The following IMMP2L variants were observed in gnomAD, a reference collection of about 807,000 sequenced individuals.
The protein encoded by IMMP2L is inner mitochondrial membrane peptidase subunit 2.
Under a neutral mutation model 19.3 loss-of-function variants are expected in IMMP2L, and 18 were observed. The ratio of observed to expected loss-of-function variants is 0.93; its 90% CI spans 0.64 to 1.38. IMMP2L has a LOEUF of 1.38. IMMP2L is among the 40% of genes most tolerant of loss of function. The pLI is 0.00. For synonymous variants in IMMP2L, 76 were observed against 73.0 expected, an observed-to-expected ratio of 1.04 and a Z score of -0.21; for missense variants, 233 against 218.2, an observed-to-expected ratio of 1.07 and a Z score of -0.43.
intron 3 of IMMP2L, among the ~76,000 whole-genome samples, chr7:111,454,155 TG>T (rs1046222373): frequency 1.3e-5 from 2 of 152,078 alleles, no homozygotes; most frequent in Non-Finnish European, 2.9e-5. Flanking sequence ...TTATTAGAGA[TG>T]GGGTCTTGCT....
intron 3 of IMMP2L, among the ~76,000 whole-genome samples, chr7:111,033,431 A>C (rs1285714308): frequency 6.6e-6 from 1 of 152,164 alleles, no homozygotes; most frequent in Non-Finnish European, 1.5e-5. Context: ...ACAAAACTAA[A>C]TAGACTCTCA....
intron 2 of IMMP2L, among the ~76,000 whole-genome samples, chr7:111,494,532 T>C (rs1843416491): frequency 6.6e-6 from 1 of 152,182 alleles, no homozygotes; most frequent in African/African-American, 2.4e-5. Flanking sequence ...AAAATCAAAC[T>C]TGGAGAAGTG....
At chr7:111,265,334 A>T (rs748504987) in intron 3 of IMMP2L, among the ~76,000 whole-genome samples, 12 of 152,216 alleles carry the variant, frequency 7.9e-5, no homozygotes, top group Non-Finnish European at 1.6e-4. Context: ...CATGAGCAGT[A>T]TATTGAACCC....
chr7:111,452,896 G>T (rs1055165511), intron 3 of IMMP2L, among the ~76,000 whole-genome samples: 2 of 152,014 alleles, frequency 1.3e-5, no homozygotes, highest in African/African-American at 4.8e-5. Flanking sequence ...TATGTCACTT[G>T]TTGCTAGAAA....
intron 3 of IMMP2L, among the ~76,000 whole-genome samples, chr7:111,235,058 C>CT (rs1222136504): frequency 6.6e-6 from 1 of 152,052 alleles, no homozygotes; most frequent in Non-Finnish European, 1.5e-5. Context: ...GTCTGAAGAA[C>CT]TTTTTTTAGC....
chr7:110,922,487 A>G (rs1201732358), intron 4 of IMMP2L, among the ~76,000 whole-genome samples: 11 of 152,202 alleles, frequency 7.2e-5, no homozygotes, highest in South Asian at 2.1e-4. Context: ...ACTTTGATAT[A>G]GTATTTTAGC....
intron 3 of IMMP2L, among the ~76,000 whole-genome samples, chr7:111,156,356 A>T (rs376272833): frequency 2.6e-5 from 4 of 152,096 alleles, no homozygotes; most frequent in East Asian, 1.9e-4. Context: ...TTCCCTTTCC[A>T]ATACTTAGTA....
chr7:111,140,059 A>G (rs1002586575), intron 3 of IMMP2L, among the ~76,000 whole-genome samples: 11 of 152,330 alleles, frequency 7.2e-5, no homozygotes, highest in African/African-American at 2.6e-4. Context: ...ATCAGAAAAG[A>G]AAGAAGAGAG....
chr7:111,302,069 A>T (rs1170952044), intron 3 of IMMP2L, among the ~76,000 whole-genome samples: 1 of 151,874 alleles, frequency 6.6e-6, no homozygotes, highest in Admixed American at 6.6e-5. Flanking sequence ...GCACAGGCCC[A>T]GGTCAGTACC....
intron 3 of IMMP2L, among the ~76,000 whole-genome samples, chr7:111,036,041 C>T (rs746942599): frequency 2.6e-5 from 4 of 152,144 alleles, no homozygotes; most frequent in Non-Finnish European, 5.9e-5. Context: ...AGTTCTATAA[C>T]TTTTAGTCAT....
intron 5 of IMMP2L, among the ~76,000 whole-genome samples, chr7:110,749,235 G>A (rs573787502): frequency 6.6e-6 from 1 of 152,132 alleles, no homozygotes; most frequent in Admixed American, 6.5e-5. Context: ...TCATTAAACA[G>A]TCAGGAACAA....
intron 3 of IMMP2L, chr7:111,122,481 T>C (rs1297063367): frequency 3.7e-6 from 1 of 273,906 alleles, no homozygotes; most frequent in Non-Finnish European, 6.8e-6. Flanking sequence ...TCTAAATAAA[T>C]GAATTACTCA....
intron 3 of IMMP2L, among the ~76,000 whole-genome samples, chr7:111,137,575 CAA>C (rs1318951031): frequency 6.6e-6 from 1 of 151,740 alleles, no homozygotes; most frequent in Non-Finnish European, 1.5e-5. Context: ...AGAAGCAGAG[CAA>C]AGATAGGAAA....
intron 3 of IMMP2L, among the ~76,000 whole-genome samples, chr7:111,441,500 G>A (rs1405085732): frequency 2.6e-5 from 4 of 151,726 alleles, no homozygotes; most frequent in Non-Finnish European, 2.9e-5. Context: ...ATTAGGTCGG[G>A]CATGTTATAT....
chr7:111,224,911 A>G (rs1706899911), intron 3 of IMMP2L, among the ~76,000 whole-genome samples: 1 of 152,090 alleles, frequency 6.6e-6, no homozygotes, highest in African/African-American at 2.4e-5. Flanking sequence ...TGAAGGAGTA[A>G]AAATCTTAGT....
chr7:111,251,896 G>A lies in IMMP2L; in HGVS notation c.239+235342C>T, dbSNP rs895646274. ...CCCCAGAACTAAAAATAAAAGTTGA[G>A]GGGGAAAAAAACATAATGTCATTGT... is the stretch of plus-strand genomic sequence containing the variant. On this transcript the variant is annotated intron_variant, in intron 3 of 5. Coordinates refer to ENST00000405709, the MANE Select transcript of IMMP2L (RefSeq NM_032549.4). Among the ~76,000 whole-genome samples, 22 of 151,810 alleles carry A rather than the reference G, an allele frequency of 1.4e-4. 1 individual carries two copies. The South Asian group carries it at 1.5e-3, about 10-fold the overall frequency.
At chr7:110,821,281 CTCAGT>C (rs1236632580) in intron 5 of IMMP2L, among the ~76,000 whole-genome samples, 1 of 152,054 alleles carries the variant, frequency 6.6e-6, no homozygotes, top group African/African-American at 2.4e-5. Flanking sequence ...GCTCAGAGGG[CTCAGT>C]TCTAACCATT....
chr7:111,077,816 A>G (rs1407542933), intron 3 of IMMP2L, among the ~76,000 whole-genome samples: 1 of 152,098 alleles, frequency 6.6e-6, no homozygotes, highest in Non-Finnish European at 1.5e-5. Context: ...GCGTCCTAAC[A>G]CTTCCTCTTT....
At chr7:111,165,103 CA>C (rs1341685658) in intron 3 of IMMP2L, among the ~76,000 whole-genome samples, 1 of 152,032 alleles carries the variant, frequency 6.6e-6, no homozygotes, top group Non-Finnish European at 1.5e-5. Context: ...GGGCCCCTGG[CA>C]ACCTCCATTC....
Sources: gnomAD v4.1 joint callset for allele counts (sites outside exome capture counted in the v4.1 genomes callset) on GRCh38, gnomAD v4.1.1 for gene constraint, MANE v1.5 for transcripts, NCBI Gene and HGNC (gene_info 2026-07-23, HGNC 2026-07-21) for gene names.